Variants in DPP6 observed in about 807,000 individuals in gnomAD.
The protein encoded by DPP6 is dipeptidyl peptidase like 6, also known as A-type potassium channel modulatory protein DPP6.
Under a neutral mutation model 122.6 loss-of-function variants are expected in DPP6, and 69 were observed. The observed-to-expected ratio is 0.56, with a 90% CI of 0.46 to 0.69. The LOEUF is 0.69. Among genes scored for constraint, DPP6 ranks in the 30% least tolerant of loss-of-function variants. DPP6 has a pLI of 0.00. For missense variants in DPP6, 928 were observed against 1,116.9 expected (o/e 0.83, Z 2.41); for synonymous variants, 418 against 433.1 (o/e 0.97, Z 0.43).
At chr7:154,354,374 C>G (rs1811108922) in intron 1 of DPP6, among the ~76,000 whole-genome samples, 1 of 152,164 alleles carries the variant, frequency 6.6e-6, no homozygotes, top group Non-Finnish European at 1.5e-5. Flanking sequence ...ATAGGAGGCA[C>G]TATCTTTACC....
intron 1 of DPP6, among the ~76,000 whole-genome samples, chr7:153,957,937 G>A (rs1373074723): frequency 1.3e-5 from 2 of 152,164 alleles, no homozygotes; most frequent in Admixed American, 6.5e-5. Flanking sequence ...GCCAAGGTGG[G>A]TGGATCACCT....
intron 1 of DPP6, among the ~76,000 whole-genome samples, chr7:154,284,135 G>A (rs1037068644): frequency 2.0e-5 from 3 of 152,110 alleles, no homozygotes; most frequent in African/African-American, 7.2e-5. Context: ...GTGAGACCTG[G>A]AACCCCACTG....
Position 154,877,370 on chromosome 7 carries a change from T to A in DPP6, c.2078+1270T>A, listed in dbSNP as rs1563313810. 6.6e-6 allele frequency among the ~76,000 whole-genome samples: 1 copy of A among 151,638 alleles called. No homozygotes were observed. Among genetic ancestry groups the A allele is most frequent in the East Asian group, 1.9e-4 (1 of 5,132 alleles). On this transcript the variant is annotated intron_variant, in intron 20 of 25. Coordinates refer to ENST00000377770, the MANE Select transcript of DPP6 (RefSeq NM_130797.4). The surrounding 1 kb of genome is among the most constrained non-coding windows in gnomAD (Gnocchi z 5.2). ...GAGTGTCTGCCAGGATGCCTTTGCCTGGAAGTCAATGACTACAACAACACA... is the reference window on the plus strand; with the variant it reads ...GAGTGTCTGCCAGGATGCCTTTGCCAGGAAGTCAATGACTACAACAACACA...
chr7:154,396,626 T>G (rs1815112600), intron 1 of DPP6, among the ~76,000 whole-genome samples: 1 of 152,218 alleles, frequency 6.6e-6, no homozygotes, highest in Non-Finnish European at 1.5e-5. Context: ...TTCCCTGATA[T>G]TTTTCATTAC....
rs556343182 is a variant in DPP6, at chr7:154,076,637, G to A, written c.243+23574G>A. Among the ~76,000 whole-genome samples, 1,203 of 150,206 alleles carry A rather than the reference G, an allele frequency of 8.0e-3. 21 individuals carry two copies. The highest frequency in any genetic ancestry group is 0.028 in the African/African-American group (1,153 of 40,734). On this transcript the variant is annotated intron_variant, in intron 1 of 25. Coordinates refer to ENST00000377770, the MANE Select transcript of DPP6 (RefSeq NM_130797.4). The stretch of plus-strand genomic sequence containing the variant: ...ACACTCCATTTGAAATACAGGATGC[G>A]TACCAAGGTGGATCACAGATTGAGA...
the DPP6 span, among the ~76,000 whole-genome samples, chr7:153,776,206 A>G: frequency 3.3e-5 from 5 of 152,240 alleles, no homozygotes; most frequent in South Asian, 1.0e-3. Context: ...GGTATTGCCA[A>G]AGGGTAGTGA....
intron 1 of DPP6, among the ~76,000 whole-genome samples, chr7:154,146,508 C>G (rs1245627202): frequency 1.3e-5 from 2 of 152,160 alleles, no homozygotes; most frequent in Non-Finnish European, 2.9e-5. Flanking sequence ...CTCGCTGATT[C>G]TTTCCCTCCC....
intron 2 of DPP6, among the ~76,000 whole-genome samples, chr7:154,452,992 C>T (rs570949378): frequency 3.9e-5 from 6 of 152,150 alleles, no homozygotes; most frequent in Non-Finnish European, 7.3e-5. Context: ...ATAGGCTCAA[C>T]GTTACATTTT....
At chr7:154,290,362 C>A (rs1805125373) in intron 1 of DPP6, among the ~76,000 whole-genome samples, 1 of 152,112 alleles carries the variant, frequency 6.6e-6, no homozygotes, top group Admixed American at 6.5e-5. Flanking sequence ...GGTATCTCGG[C>A]CCCAGTCCAT....
In DPP6 at chr7:154,893,451, T is replaced by TAAAAAAAAAAAAAAAAAAAAAAAAAA. The variant is rs775016101; in HGVS notation, c.*971_*972insAAAAAAAAAAAAAAAAAAAAAAAAAA. On this transcript the variant is annotated 3_prime_UTR_variant, in exon 26 of 26. Coordinates refer to ENST00000377770, the MANE Select transcript of DPP6 (RefSeq NM_130797.4). Reference sequence around the variant, plus strand: ...CAAGCTCTTTCCCATGACATTTGGTTTAAAAAAAAAAAAAAAAAAAAAAAA... The same window carrying TAAAAAAAAAAAAAAAAAAAAAAAAAA: ...CAAGCTCTTTCCCATGACATTTGGTTAAAAAAAAAAAAAAAAAAAAAAAAAATAAAAAAAAAAAAAAAAAAAAAAAA... 5 of 61,334 alleles carry TAAAAAAAAAAAAAAAAAAAAAAAAAA rather than the reference T, an allele frequency of 8.2e-5. 1 individual carries two copies. Among genetic ancestry groups the TAAAAAAAAAAAAAAAAAAAAAAAAAA allele is most frequent in the African/African-American group, 2.5e-4 (5 of 19,890 alleles). The allele number at this position is 61,334 out of a possible 1,614,324, so 3.8% of individuals were successfully genotyped here.
intron 23 of DPP6, among the ~76,000 whole-genome samples, chr7:154,888,683 C>T (rs1052408248): frequency 7.2e-5 from 11 of 152,194 alleles, no homozygotes; most frequent in African/African-American, 2.4e-4. Flanking sequence ...CCACCCCCTC[C>T]TCTTCCAAAA....
chr7:154,733,961 C>T (rs766698476), intron 8 of DPP6, among the ~76,000 whole-genome samples: 1 of 152,180 alleles, frequency 6.6e-6, no homozygotes, highest in Non-Finnish European at 1.5e-5. Context: ...CACGCTGATA[C>T]CCAGTGTGCT....
chr7:154,017,727 T>TAAAAAAAA (rs61261080), intron 1 of DPP6, among the ~76,000 whole-genome samples: 10 of 109,438 alleles, frequency 9.1e-5, no homozygotes, highest in Middle Eastern at 4.5e-3. Flanking sequence ...AATAAAAAAA[T>TAAAAAAAA]AAAAAAAAAA....
intron 1 of DPP6, among the ~76,000 whole-genome samples, chr7:153,899,910 G>A (rs147636127): frequency 1.3e-5 from 2 of 152,332 alleles, no homozygotes; most frequent in African/African-American, 4.8e-5. Flanking sequence ...AAACTCTGAT[G>A]GAATTAACTT....
At chr7:154,276,807 T>G (rs2150943245) in intron 1 of DPP6, among the ~76,000 whole-genome samples, 1 of 152,336 alleles carries the variant, frequency 6.6e-6, no homozygotes, top group African/African-American at 2.4e-5. Flanking sequence ...CACATAAGTT[T>G]CTTAAGTGAG....
At chr7:153,762,948 C>T in the DPP6 span, among the ~76,000 whole-genome samples, 1 of 152,090 alleles carries the variant, frequency 6.6e-6, no homozygotes, top group East Asian at 1.9e-4. Context: ...CTTTTGGAAA[C>T]TTGAACAAAG....
intron 16 of DPP6, chr7:154,838,613 A>C (rs1348035927): frequency 6.6e-6 from 1 of 152,244 alleles, no homozygotes; most frequent in African/African-American, 2.4e-5. Flanking sequence ...TCGGGAGCAG[A>C]GATGGGATGG....
intron 1 of DPP6, among the ~76,000 whole-genome samples, chr7:153,951,698 A>G (rs954027019): frequency 6.6e-6 from 1 of 152,156 alleles, no homozygotes; most frequent in Non-Finnish European, 1.5e-5. Context: ...ACCAAACACA[A>G]GAAGTTTTCC....
chr7:154,021,600 A>G (rs1174751234), intron 1 of DPP6, among the ~76,000 whole-genome samples: 1 of 152,186 alleles, frequency 6.6e-6, no homozygotes, highest in African/African-American at 2.4e-5. Flanking sequence ...TCCCCTGTGT[A>G]TGTGGGGCTG....
Sources: allele counts gnomAD v4.1 joint callset (sites outside exome capture counted in the v4.1 genomes callset), GRCh38; gene constraint gnomAD v4.1.1; non-coding constraint Gnocchi (gnomAD v3.1); transcripts MANE v1.5; gene names NCBI Gene and HGNC (gene_info 2026-07-23, HGNC 2026-07-21).